HLTF: variants seen among roughly 807,000 people sequenced by gnomAD.
The protein encoded by HLTF is helicase like transcription factor, also known as DNA-dependent ATPase/E3 ubiquitin-protein ligase HLTF.
In HLTF, 127 loss-of-function variants were observed where a neutral mutation model predicts 129.4. The ratio of observed to expected loss-of-function variants is 0.98; its 90% CI spans 0.85 to 1.14. The LOEUF (loss-of-function observed/expected upper bound fraction) is 1.14. HLTF is among the 50% of genes most tolerant of loss of function. The probability of loss-of-function intolerance (pLI) is 0.00; values close to 1 mark genes in which losing one functional copy is unlikely to be tolerated. For missense variants in HLTF, 1,139 were observed against 1,187.1 expected, an observed-to-expected ratio of 0.96 and a Z score of 0.60; for synonymous variants, 332 against 388.8, an observed-to-expected ratio of 0.85 and a Z score of 1.72.
At chr3:149,064,430 A>C (rs1718189094) in intron 9 of HLTF, among the ~76,000 whole-genome samples, 1 of 152,212 alleles carries the variant, frequency 6.6e-6, no homozygotes, top group Non-Finnish European at 1.5e-5. Context: ...CTAGCTTTCT[A>C]GCATTATCTG....
chr3:149,052,608 T>C (rs1345902676), intron 14 of HLTF, among the ~76,000 whole-genome samples: 1 of 152,110 alleles, frequency 6.6e-6, no homozygotes, highest in Non-Finnish European at 1.5e-5. Flanking sequence ...GTTTCTGTAG[T>C]GAGTGGAAGC....
At chr3:149,079,661 C>T (rs1389626760) in intron 2 of HLTF, among the ~76,000 whole-genome samples, 4 of 152,042 alleles carry the variant, frequency 2.6e-5, no homozygotes, top group Non-Finnish European at 5.9e-5. Context: ...CGCACAATCT[C>T]GGCTCACTGC....
At chr3:149,060,484 T>C (rs995377446) in intron 12 of HLTF, among the ~76,000 whole-genome samples, 159 bp downstream of exon 12, 30 of 152,206 alleles carry the variant, frequency 2.0e-4, no homozygotes, top group African/African-American at 7.2e-4. Context: ...ACAAAATTAA[T>C]TTAAAACCCA....
chr3:149,048,723 A>T, intron 16 of HLTF, 140 bp downstream of exon 16: 1 of 639,748 alleles, frequency 1.6e-6, no homozygotes, highest in Non-Finnish European at 2.7e-6. Flanking sequence ...AACAACTCAA[A>T]ACATTTGATT....
At chr3:149,049,046 A>G in intron 15 of HLTF, 45 bp from the exon 16 acceptor site, 3 of 1,280,204 alleles carry the variant, frequency 2.3e-6, no homozygotes, top group Non-Finnish European at 3.4e-6. Flanking sequence ...AGGAAAGTAA[A>G]ATAGTACTTA....
intron 12 of HLTF, 54 bp downstream of exon 12, chr3:149,060,589 G>A: frequency 7.4e-7 from 1 of 1,347,494 alleles, no homozygotes; most frequent in South Asian, 1.2e-5. Context: ...AATCAATGGA[G>A]CTGTACTTTA....
rs74927267 is a variant in HLTF at position 149,040,062 on chromosome 3, T to C, written c.2471A>G (p.Lys824Arg). Reference sequence around the variant, plus strand: ...ACTGGATGTCCATTCCATATCAGACTTTTTCTCACTGTCACGTGCTAATTC... The same window carrying C: ...ACTGGATGTCCATTCCATATCAGACCTTTTCTCACTGTCACGTGCTAATTC... ...PEELARDSEK[K>R]SDMEWTSSSK... The change falls in exon 21 of 25, where the codon AAG becomes AGG. Residue 824 changes from lysine to arginine, a missense_variant. Coordinates refer to ENST00000310053, the MANE Select transcript of HLTF (RefSeq NM_003071.4). The C allele has an allele frequency of 3.0e-5, 48 of 1,611,492 alleles. No individual in the cohort carries two copies. The highest frequency in any genetic ancestry group is 4.1e-5 in the Non-Finnish European group (48 of 1,179,012).
Position 149,060,705 on chromosome 3 carries a change from A to C in HLTF, c.1241-18T>G. 2 of 1,612,760 alleles carry C rather than the reference A, an allele frequency of 1.2e-6. No individual in the cohort carries two copies. Among genetic ancestry groups the C allele is most frequent in the South Asian group, 2.2e-5 (2 of 90,952 alleles). ...CAGTTTGCCTAAAAATAAAACAAAAATAAACATAAAAATGGGCAAAACAGG... is the reference window on the plus strand; with the variant it reads ...CAGTTTGCCTAAAAATAAAACAAAACTAAACATAAAAATGGGCAAAACAGG... On this transcript the variant is annotated intron_variant, in intron 11 of 24. Transcript: ENST00000310053.
intron 24 of HLTF, among the ~76,000 whole-genome samples, chr3:149,033,039 G>T (rs1173612686): frequency 6.8e-6 from 1 of 147,180 alleles, no homozygotes; most frequent in African/African-American, 2.5e-5. Context: ...CACTAACAAA[G>T]AGAAAAATAA....
chr3:149,064,649 A>C, intron 9 of HLTF, 142 bp downstream of exon 9: 1 of 562,290 alleles, frequency 1.8e-6, no homozygotes, highest in Middle Eastern at 3.1e-4. Flanking sequence ...CTTTTAAAAA[A>C]GAGATCCTAA....
intron 2 of HLTF, among the ~76,000 whole-genome samples, chr3:149,076,387 A>G (rs1481809164): frequency 6.6e-6 from 1 of 152,238 alleles, no homozygotes; most frequent in East Asian, 1.9e-4. Flanking sequence ...TGTGCCAAGC[A>G]TTGGTCTAAG....
chr3:149,043,568 A>C (rs867153329), intron 18 of HLTF, among the ~76,000 whole-genome samples: 8 of 151,430 alleles, frequency 5.3e-5, no homozygotes, highest in Admixed American at 1.3e-4. Context: ...AAAAAAAAAA[A>C]ACCAGGCTTC....
Position 149,065,564 on chromosome 3 carries a change from C to T in HLTF, c.991-698G>A, listed in dbSNP as rs541584622. ...CAAAAAAAACTAAAAATCTGCCGGG[C>T]GCAGTGGCTCATGCCAGCACTTTGG... On this transcript the variant is annotated intron_variant, in intron 8 of 24. Transcript: ENST00000310053. 5.9e-5 allele frequency among the ~76,000 whole-genome samples: 9 copies of T among 152,244 alleles called. No homozygotes were observed. The East Asian group carries it at 1.2e-3, about 20-fold the overall frequency.
At chr3:149,066,760 T>C (rs191468984) in intron 8 of HLTF, among the ~76,000 whole-genome samples, 2 of 152,284 alleles carry the variant, frequency 1.3e-5, no homozygotes, top group African/African-American at 4.8e-5. Flanking sequence ...TCAAATCTGG[T>C]AACCTAAAAC....
Position 149,048,994 on chromosome 3 carries a change from C to A in HLTF, c.1625G>T (p.Gly542Val). The A allele has an allele frequency of 6.3e-7, 1 of 1,595,504 alleles. No homozygotes were observed. The highest frequency in any genetic ancestry group is 8.6e-7 in the Non-Finnish European group (1 of 1,166,150). The change falls in exon 16 of 25, where the codon GGA (glycine) becomes GTA (valine). Residue 542 changes from glycine to valine, a missense_variant. Coordinates refer to ENST00000310053, the MANE Select transcript of HLTF (RefSeq NM_003071.4). The part of the protein sequence containing the change: ...NILTHDYGTK[G>V]DSPLHSIRWL... Reference sequence around the variant, plus strand: ...CCTTATGCTATGTAATGGACTATCTCCTTTAGTCTGAAATAAATGTTTTAT... The same window carrying A: ...CCTTATGCTATGTAATGGACTATCTACTTTAGTCTGAAATAAATGTTTTAT...
At chr3:149,034,797 A>C in intron 24 of HLTF, 121 bp downstream of exon 24, 1 of 660,040 alleles carries the variant, frequency 1.5e-6, no homozygotes, top group Middle Eastern at 3.1e-4. Flanking sequence ...AGGAGGAAAA[A>C]GGTGACTTAT....
intron 19 of HLTF, chr3:149,041,881 A>G: frequency 1.7e-6 from 1 of 579,134 alleles, no homozygotes; most frequent in Non-Finnish European, 3.1e-6. Flanking sequence ...GAGAAGCATC[A>G]TTATAACATG....
intron 14 of HLTF, among the ~76,000 whole-genome samples, 180 bp from the exon 15 acceptor site, chr3:149,050,555 G>A (rs1716901344): frequency 6.6e-6 from 1 of 152,084 alleles, no homozygotes. Flanking sequence ...CACATACACA[G>A]TAATAATAAA....
At chr3:149,040,249 T>A (rs1716016663) in intron 20 of HLTF, 93 bp from the exon 21 acceptor site, 1 of 1,059,498 alleles carries the variant, frequency 9.4e-7, no homozygotes, top group Non-Finnish European at 1.4e-6. Flanking sequence ...AAAATCTGTA[T>A]CTCTCATAGC....
Sources: gnomAD v4.1 joint callset for allele counts (sites outside exome capture counted in the v4.1 genomes callset) on GRCh38, gnomAD v4.1.1 for gene constraint, MANE v1.5 for transcripts, NCBI Gene and HGNC (gene_info 2026-07-23, HGNC 2026-07-21) for gene names.